The following MPPED2 variants were observed in gnomAD, a reference collection of about 807,000 sequenced individuals.
The protein encoded by MPPED2 is metallophosphoesterase MPPED2.
MPPED2 carries 5 observed loss-of-function variants against 33.0 expected under a neutral mutation model. The observed-to-expected ratio is 0.15, with a 90% CI of 0.08 to 0.32. The LOEUF (loss-of-function observed/expected upper bound fraction) is 0.32. MPPED2 is among the 10% of genes least tolerant of loss of function. The probability of loss-of-function intolerance (pLI) is 1.00; values close to 1 mark genes in which losing one functional copy is unlikely to be tolerated. For missense variants in MPPED2, 275 were observed against 372.1 expected, an observed-to-expected ratio of 0.74 and a Z score of 2.15; for synonymous variants, 136 against 141.9, an observed-to-expected ratio of 0.96 and a Z score of 0.29.
intron 4 of MPPED2, among the ~76,000 whole-genome samples, chr11:30,471,498 C>T (rs1319425190): frequency 3.3e-5 from 5 of 152,198 alleles, no homozygotes; most frequent in African/African-American, 9.7e-5. Flanking sequence ...CCTTAAATAT[C>T]CTCTTCCAGA....
chr11:30,533,719 G>A (rs567905565), intron 3 of MPPED2, among the ~76,000 whole-genome samples: 4 of 152,160 alleles, frequency 2.6e-5, no homozygotes, highest in East Asian at 1.9e-4. Context: ...GGCTCCCTTC[G>A]ATCTCACATT....
chr11:30,583,689 A>C (rs1957302560), intron 1 of MPPED2, among the ~76,000 whole-genome samples: 1 of 152,178 alleles, frequency 6.6e-6, no homozygotes, highest in African/African-American at 2.4e-5. Flanking sequence ...GAGGAATTAA[A>C]TAACTGTCTC....
At chr11:30,478,150 C>T (rs1951308466) in intron 4 of MPPED2, among the ~76,000 whole-genome samples, 1 of 151,988 alleles carries the variant, frequency 6.6e-6, no homozygotes, top group African/African-American at 2.4e-5. Context: ...TTTCAACTCC[C>T]CTCCAAAAAC....
chr11:30,465,313 G>C (rs904869795), intron 4 of MPPED2, among the ~76,000 whole-genome samples: 1 of 152,040 alleles, frequency 6.6e-6, no homozygotes, highest in African/African-American at 2.4e-5. Flanking sequence ...TTGGAGATAG[G>C]GTCTCACTCT....
At chr11:30,447,570 G>A (rs1001192164) in intron 4 of MPPED2, among the ~76,000 whole-genome samples, 1 of 152,154 alleles carries the variant, frequency 6.6e-6, no homozygotes, top group Non-Finnish European at 1.5e-5. Flanking sequence ...GTGTCAAGAA[G>A]CGGCAGCAAC....
At chr11:30,392,538 G>T (rs1379859707) in intron 6 of MPPED2, among the ~76,000 whole-genome samples, 1 of 152,182 alleles carries the variant, frequency 6.6e-6, no homozygotes, top group Non-Finnish European at 1.5e-5. Context: ...GCTTCTCTCC[G>T]GAATTGCTTC....
At chr11:30,454,537 C>T (rs1263626197) in intron 4 of MPPED2, among the ~76,000 whole-genome samples, 1 of 150,214 alleles carries the variant, frequency 6.7e-6, no homozygotes, top group Non-Finnish European at 1.5e-5. Context: ...TAAAGATGGC[C>T]TTTGAAAGTC....
chr11:30,525,343 G>A (rs1590712874), intron 3 of MPPED2, among the ~76,000 whole-genome samples: 2 of 152,174 alleles, frequency 1.3e-5, no homozygotes, highest in Non-Finnish European at 2.9e-5. Context: ...GGGGGCTTCA[G>A]TGTTTCCTCT....
rs1389495062 is a variant in MPPED2 at position 30,411,001 on chromosome 11, T to C, written c.*467A>G. 1.0e-6 allele frequency: 1 copy of C among 985,588 alleles called. No individual in the cohort carries two copies. Among genetic ancestry groups the C allele is most frequent in the Non-Finnish European group, 1.2e-6 (1 of 829,954 alleles). 61.1% of individuals were successfully genotyped at this position (985,588 alleles called of 1,614,324 possible). On this transcript the variant is annotated 3_prime_UTR_variant, in exon 7 of 7. Coordinates refer to ENST00000358117, the MANE Select transcript of MPPED2 (RefSeq NM_001584.3). ...AAGATTGCTATAAATTGGGACCACATCTGCAAAAAAGAAGCATTACCAAGA... is the reference window on the plus strand; with the variant it reads ...AAGATTGCTATAAATTGGGACCACACCTGCAAAAAAGAAGCATTACCAAGA...
Position 30,410,812 on chromosome 11 carries a change from G to A in MPPED2, c.*656C>T, listed in dbSNP as rs2133726759. 2 of 985,592 alleles carry A rather than the reference G, an allele frequency of 2.0e-6. No homozygotes were observed. The highest frequency in any genetic ancestry group is 2.4e-6 in the Non-Finnish European group (2 of 829,800). The allele number at this position is 985,592 out of a possible 1,614,324, so 61.1% of individuals were successfully genotyped here. ...ATTCCATTTCTGTATTTTTAAAGCT[G>A]AAATAATTTAAAAGAAACAAACAAA... On this transcript the variant is annotated 3_prime_UTR_variant, in exon 7 of 7. Coordinates refer to ENST00000358117, the MANE Select transcript of MPPED2 (RefSeq NM_001584.3).
rs111265863 is a variant in MPPED2, at chr11:30,449,918, C to T, written c.537-32285G>A. Among the ~76,000 whole-genome samples, 42 of 152,228 alleles carry T rather than the reference C, an allele frequency of 2.8e-4. 1 individual carries two copies. Among genetic ancestry groups the T allele is most frequent in the Non-Finnish European group, 6.0e-4 (41 of 68,038 alleles). On this transcript the variant is annotated intron_variant, in intron 4 of 6. Transcript: ENST00000358117. ...AATTCATCTGCCCTAGATGCCCAAA[C>T]CCCCTTTCCTCTGTCTAGTCATATC...
chr11:30,581,515 C>T (rs1251490465), intron 1 of MPPED2, among the ~76,000 whole-genome samples: 9 of 152,168 alleles, frequency 5.9e-5, no homozygotes, highest in Admixed American at 5.9e-4. Flanking sequence ...CCTTAGGTAA[C>T]CCATGCTCTT....
At chr11:30,553,330 C>T (rs950119712) in intron 2 of MPPED2, among the ~76,000 whole-genome samples, 1 of 152,152 alleles carries the variant, frequency 6.6e-6, no homozygotes, top group African/African-American at 2.4e-5. Context: ...GACTGTAACA[C>T]TGAAATCAGA....
chr11:30,428,665 A>T (rs990097279), intron 4 of MPPED2, among the ~76,000 whole-genome samples: 3 of 152,206 alleles, frequency 2.0e-5, no homozygotes, highest in African/African-American at 7.2e-5. Flanking sequence ...GCTGCTTTCT[A>T]CTTAGCAATA....
chr11:30,410,384 T>A lies in MPPED2; in HGVS notation c.*1084A>T. ...ACAATGGGAAAACAGAAATGACTAT[T>A]AGCGACAATATTTTGTGCTAGCGAA... On this transcript the variant is annotated 3_prime_UTR_variant, in exon 7 of 7. Transcript: ENST00000358117. 1 of 985,836 alleles carries A rather than the reference T, an allele frequency of 1.0e-6. No individual in the cohort carries two copies. Among genetic ancestry groups the A allele is most frequent in the Non-Finnish European group, 1.2e-6 (1 of 829,890 alleles). The allele number at this position is 985,836 out of a possible 1,614,324, so 61.1% of individuals were successfully genotyped here.
intron 3 of MPPED2, among the ~76,000 whole-genome samples, chr11:30,521,090 G>C (rs1034027406): frequency 2.6e-5 from 4 of 152,118 alleles, no homozygotes; most frequent in Admixed American, 6.6e-5. Flanking sequence ...AATAGTACTG[G>C]GGCTACTAGG....
intron 4 of MPPED2, among the ~76,000 whole-genome samples, chr11:30,438,140 A>G (rs1949404866): frequency 6.6e-6 from 1 of 152,214 alleles, no homozygotes. Context: ...TGAACAAAGT[A>G]TATTGAGCCC....
rs1331144401 is a variant in MPPED2, at chr11:30,411,039, C to T, written c.*429G>A. 1.0e-6 allele frequency: 1 copy of T among 985,840 alleles called. No individual in the cohort carries two copies. Among genetic ancestry groups the T allele is most frequent in the Admixed American group, 6.1e-5 (1 of 16,264 alleles). 61.1% of individuals were successfully genotyped at this position (985,840 alleles called of 1,614,324 possible). ...AGCATTACCAAGAAAACAACAACAA[C>T]AAAACATTGAAAATTAAAATATTTC... On this transcript the variant is annotated 3_prime_UTR_variant, in exon 7 of 7. Transcript: ENST00000358117.
At chr11:30,456,616 G>A (rs961255137) in intron 4 of MPPED2, among the ~76,000 whole-genome samples, 1 of 151,976 alleles carries the variant, frequency 6.6e-6, no homozygotes, top group Non-Finnish European at 1.5e-5. Flanking sequence ...GTACTTGATG[G>A]TTAGATAAAC....
Sources: allele counts gnomAD v4.1 joint callset (sites outside exome capture counted in the v4.1 genomes callset), GRCh38; gene constraint gnomAD v4.1.1; transcripts MANE v1.5; gene names NCBI Gene and HGNC (gene_info 2026-07-23, HGNC 2026-07-21).